Variants in INSYN2B observed in about 807,000 individuals in gnomAD.
The protein encoded by INSYN2B is inhibitory synaptic factor family member 2B, also known as protein INSYN2B.
INSYN2B carries 16 observed loss-of-function variants against 41.2 expected under a neutral mutation model. The ratio of observed to expected loss-of-function variants is 0.39; its 90% CI spans 0.26 to 0.59. INSYN2B has a LOEUF of 0.59. Ranked by LOEUF, INSYN2B falls within the 20% of genes least tolerant of loss-of-function variation. The probability of loss-of-function intolerance (pLI) is 0.57; values close to 1 mark genes in which losing one functional copy is unlikely to be tolerated. For synonymous variants in INSYN2B, 245 were observed against 244.4 expected, an observed-to-expected ratio of 1.00 and a Z score of -0.02; for missense variants, 608 against 646.4, an observed-to-expected ratio of 0.94 and a Z score of 0.64.
intron 1 of INSYN2B, among the ~76,000 whole-genome samples, chr5:169,919,251 C>T (rs1325945748): frequency 1.3e-5 from 2 of 152,186 alleles, no homozygotes; most frequent in African/African-American, 4.8e-5. Flanking sequence ...GTCACACCAT[C>T]GATATGGGGC....
chr5:169,916,152 G>A (rs1052297040), intron 1 of INSYN2B, among the ~76,000 whole-genome samples: 1 of 152,202 alleles, frequency 6.6e-6, no homozygotes, highest in Non-Finnish European at 1.5e-5. Context: ...ACTCTACCGG[G>A]CAGAAGCAGA....
intron 1 of INSYN2B, among the ~76,000 whole-genome samples, chr5:169,927,911 C>A (rs905644339): frequency 1.2e-4 from 19 of 152,156 alleles, no homozygotes; most frequent in Non-Finnish European, 2.5e-4. Flanking sequence ...ACACTGCTCC[C>A]GGCCCGAAAA....
intron 3 of INSYN2B, among the ~76,000 whole-genome samples, chr5:169,874,937 T>TC (rs1202975816): frequency 6.6e-6 from 1 of 152,074 alleles, no homozygotes; most frequent in Non-Finnish European, 1.5e-5. Flanking sequence ...TCCTCTCCTC[T>TC]CTCTTCCTTC....
chr5:169,951,726 C>A, intron 1 of INSYN2B, among the ~76,000 whole-genome samples: 1 of 152,180 alleles, frequency 6.6e-6, no homozygotes, highest in East Asian at 1.9e-4. Context: ...TATAGCTACA[C>A]CAAGGATTGT....
intron 1 of INSYN2B, among the ~76,000 whole-genome samples, chr5:169,972,029 G>C (rs1400246499): frequency 3.9e-5 from 6 of 152,104 alleles, no homozygotes; most frequent in Non-Finnish European, 7.3e-5. Flanking sequence ...GCTAGGACTT[G>C]GCCTTAGAAT....
chr5:169,903,780 G>A (rs896994597), intron 1 of INSYN2B, among the ~76,000 whole-genome samples: 3 of 152,102 alleles, frequency 2.0e-5, no homozygotes, highest in African/African-American at 7.2e-5. Flanking sequence ...TTAACCCTAA[G>A]AGCAGTGGAA....
intron 1 of INSYN2B, among the ~76,000 whole-genome samples, chr5:169,936,870 C>T (rs187324151): frequency 2.0e-4 from 30 of 152,246 alleles, no homozygotes; most frequent in Admixed American, 3.3e-4. Flanking sequence ...AGAATTATAA[C>T]GACACCCTTC....
chr5:169,932,397 A>G (rs1372088584), intron 1 of INSYN2B, among the ~76,000 whole-genome samples: 2 of 152,142 alleles, frequency 1.3e-5, no homozygotes. Flanking sequence ...CAGGTAGGTG[A>G]CATGAAGTAG....
At position 169,890,746 on chromosome 5, in the gene INSYN2B, G is replaced by A. The variant is rs181958147; in HGVS notation, c.-918-5930C>T. Among the ~76,000 whole-genome samples the A allele has an allele frequency of 4.4e-3, 666 of 152,258 alleles. 7 individuals are homozygous for A. Among genetic ancestry groups the A allele is most frequent in the African/African-American group, 0.015 (623 of 41,550 alleles). On this transcript the variant is annotated intron_variant, in intron 1 of 3. Transcript: ENST00000377365. ...GGACCCTGAAAGATGTTGGATATGT[G>A]CTGATTGTGAAATCTTGTTCTCATC...
At chr5:169,969,631 C>T (rs1304127861) in intron 1 of INSYN2B, among the ~76,000 whole-genome samples, 1 of 152,058 alleles carries the variant, frequency 6.6e-6, no homozygotes, top group Non-Finnish European at 1.5e-5. Context: ...AGGGGAGTGG[C>T]GGAGGCTGTA....
chr5:169,912,621 ATGTGTG>A (rs59287791), intron 1 of INSYN2B, among the ~76,000 whole-genome samples: 2 of 150,420 alleles, frequency 1.3e-5, no homozygotes, highest in African/African-American at 4.9e-5. Flanking sequence ...GGTGGAGTGT[ATGTGTG>A]TGTGTGTGTG....
At chr5:169,909,618 C>T (rs554077553) in intron 1 of INSYN2B, among the ~76,000 whole-genome samples, 3 of 152,272 alleles carry the variant, frequency 2.0e-5, no homozygotes, top group South Asian at 2.1e-4. Context: ...GACCAACATA[C>T]ATATCTTCTA....
intron 1 of INSYN2B, among the ~76,000 whole-genome samples, chr5:169,916,245 G>A (rs534262866): frequency 4.0e-4 from 61 of 152,326 alleles, no homozygotes; most frequent in African/African-American, 1.4e-3. Context: ...CCTCTGAAAT[G>A]TGGGACAAAA....
chr5:169,977,374 G>A (rs1016518233), intron 1 of INSYN2B, among the ~76,000 whole-genome samples: 3 of 152,294 alleles, frequency 2.0e-5, no homozygotes, highest in Admixed American at 2.0e-4. Context: ...ATTTCAATGA[G>A]CTAATCTGCA....
At chr5:169,967,819 T>C (rs770508776) in intron 1 of INSYN2B, among the ~76,000 whole-genome samples, 3 of 152,000 alleles carry the variant, frequency 2.0e-5, no homozygotes, top group Non-Finnish European at 4.4e-5. Context: ...AAGACAAATT[T>C]CTTTTCTTTC....
At chr5:169,967,055 A>T (rs1378398039) in intron 1 of INSYN2B, among the ~76,000 whole-genome samples, 1 of 152,238 alleles carries the variant, frequency 6.6e-6, no homozygotes, top group Non-Finnish European at 1.5e-5. Context: ...CCTATGTGCC[A>T]GGCACTGTGC....
intron 1 of INSYN2B, among the ~76,000 whole-genome samples, chr5:169,966,399 T>C (rs1310543014): frequency 6.6e-6 from 1 of 152,254 alleles, no homozygotes; most frequent in Non-Finnish European, 1.5e-5. Context: ...ATCCCTATGA[T>C]GTGCTGGTAT....
intron 1 of INSYN2B, among the ~76,000 whole-genome samples, chr5:169,939,215 T>G (rs1427235600): frequency 6.6e-6 from 1 of 151,456 alleles, no homozygotes; most frequent in Non-Finnish European, 1.5e-5. Flanking sequence ...TTTTTTTTTT[T>G]TTAAACTTTT....
intron 1 of INSYN2B, among the ~76,000 whole-genome samples, chr5:169,926,018 G>C (rs530837071): frequency 6.6e-6 from 1 of 152,146 alleles, no homozygotes; most frequent in Non-Finnish European, 1.5e-5. Context: ...TCCATGGCAG[G>C]ATGTCGTCAG....
Sources: allele counts gnomAD v4.1 joint callset (sites outside exome capture counted in the v4.1 genomes callset), GRCh38; gene constraint gnomAD v4.1.1; transcripts MANE v1.5; gene names NCBI Gene and HGNC (gene_info 2026-07-23, HGNC 2026-07-21).